Variants in TNPO2 observed in about 807,000 individuals in gnomAD.
The protein encoded by TNPO2 is transportin 2.
Under a neutral mutation model 111.1 loss-of-function variants are expected in TNPO2, and 16 were observed. That is an observed-to-expected ratio of 0.14 (90% CI 0.10 to 0.22). TNPO2 has a LOEUF of 0.22. Ranked by LOEUF, TNPO2 falls within the 10% of genes least tolerant of loss-of-function variation. The pLI is 1.00. For missense variants in TNPO2, 530 were observed against 1,173.7 expected, an observed-to-expected ratio of 0.45 and a Z score of 8.01; for synonymous variants, 481 against 475.8, an observed-to-expected ratio of 1.01 and a Z score of -0.14.
intron 9 of TNPO2, 27 bp from the exon 10 acceptor site, chr19:12,714,966 C>T (rs775132655): frequency 6.2e-7 from 1 of 1,601,222 alleles, no homozygotes; most frequent in South Asian, 1.1e-5. Flanking sequence ...AAGCTGAGGC[C>T]TGGCCTGGCT....
rs1373452345 is a variant in TNPO2, at chr19:12,721,589, T to A, written c.-13-599A>T. On this transcript the variant is annotated intron_variant, in intron 2 of 25. Coordinates refer to ENST00000425528, the MANE Select transcript of TNPO2 (RefSeq NM_001382241.1). This position sits in a 1 kb window ranked among gnomAD's most constrained non-coding sequence, Gnocchi z 4.9. ...TGTCCCCTGTTCCTGCCCTTCAAGC[T>A]CAGTGGATGCCAGATATCCCCCTCT... 3 of 265,876 alleles carry A rather than the reference T, an allele frequency of 1.1e-5. No homozygotes were observed. Among genetic ancestry groups the A allele is most frequent in the Non-Finnish European group, 2.2e-5 (3 of 134,106 alleles). The allele number at this position is 265,876 out of a possible 1,614,324, so 16.5% of individuals were successfully genotyped here. A position where few individuals can be genotyped will look rare whatever the true frequency, so the allele number is the denominator to read the frequency against.
chr19:12,714,898 G>T lies in TNPO2; in HGVS notation c.813C>A (p.Ala271=). 1.9e-6 allele frequency: 3 copies of T among 1,613,750 alleles called. No individual in the cohort carries two copies. Among genetic ancestry groups the T allele is most frequent in the Non-Finnish European group, 2.5e-6 (3 of 1,179,788 alleles). The change falls in exon 10 of 26, where the codon GCC becomes GCA. Residue 271 remains alanine, a synonymous_variant. Transcript: ENST00000425528. ...QRTQDHDENV[A]LEACEFWLTL... Reference sequence around the variant, plus strand: ...TCAGCCAGAACTCACAGGCCTCAAGGGCAACGTTCTCATCATGGTCCTGGG... The same window carrying T: ...TCAGCCAGAACTCACAGGCCTCAAGTGCAACGTTCTCATCATGGTCCTGGG...
chr19:12,708,215 C>T (rs1193355662), intron 13 of TNPO2, among the ~76,000 whole-genome samples: 1 of 152,148 alleles, frequency 6.6e-6, no homozygotes, highest in Non-Finnish European at 1.5e-5. Context: ...TCACTGCAAC[C>T]TCTGCCTCCC....
intron 13 of TNPO2, among the ~76,000 whole-genome samples, chr19:12,708,595 G>A (rs1289981508): frequency 6.6e-6 from 1 of 151,982 alleles, no homozygotes; most frequent in Admixed American, 6.6e-5. Context: ...GGCCGGGTGC[G>A]GTGGCTCACG....
chr19:12,701,872 G>A lies in TNPO2; in HGVS notation c.2412-21C>T. 1 of 1,596,596 alleles carries A rather than the reference G, an allele frequency of 6.3e-7. No individual in the cohort carries two copies. The highest frequency in any genetic ancestry group is 8.6e-7 in the Non-Finnish European group (1 of 1,166,208). On this transcript the variant is annotated intron_variant, in intron 22 of 25. Coordinates refer to ENST00000425528, the MANE Select transcript of TNPO2 (RefSeq NM_001382241.1). The surrounding 1 kb of genome is among the most constrained non-coding windows in gnomAD (Gnocchi z 5.0). ...TGCACCTGTGGGAAGGTGAGCAGCT[G>A]GAGGTCAGAGGGCAGGCTGGGCATG...
chr19:12,719,449 G>A lies in TNPO2; in HGVS notation c.100-113C>T, dbSNP rs1052843281. ...GGGACCAGGCTGCCAGCTCCTGGGGGATCCCGCTCCCTAATAAGCCCACAA... is the reference window on the plus strand; with the variant it reads ...GGGACCAGGCTGCCAGCTCCTGGGGAATCCCGCTCCCTAATAAGCCCACAA... On this transcript the variant is annotated intron_variant, in intron 3 of 25. Coordinates refer to ENST00000425528, the MANE Select transcript of TNPO2 (RefSeq NM_001382241.1). This position sits in a 1 kb window ranked among gnomAD's most constrained non-coding sequence, Gnocchi z 5.0. 8 of 853,662 alleles carry A rather than the reference G, an allele frequency of 9.4e-6. No homozygotes were observed. Among genetic ancestry groups the A allele is most frequent in the Admixed American group, 8.2e-5 (4 of 48,528 alleles). 52.9% of individuals were successfully genotyped at this position (853,662 alleles called of 1,614,324 possible).
At position 12,719,524 on chromosome 19, in the gene TNPO2, G is replaced by T. The variant is rs994760215; in HGVS notation, c.100-188C>A. Among the ~76,000 whole-genome samples, 1 of 152,166 alleles carries T rather than the reference G, an allele frequency of 6.6e-6. No homozygotes were observed. The highest frequency in any genetic ancestry group is 1.5e-5 in the Non-Finnish European group (1 of 68,036). ...CAAATTCATATAAGGGGCCGGGCGC[G>T]GTGGCTCACGCCTGTAATCCCAGCA... On this transcript the variant is annotated intron_variant, in intron 3 of 25. Coordinates refer to ENST00000425528, the MANE Select transcript of TNPO2 (RefSeq NM_001382241.1). The surrounding 1 kb of genome is among the most constrained non-coding windows in gnomAD (Gnocchi z 5.0).
chr19:12,703,986 G>A (rs1424419232), intron 18 of TNPO2, among the ~76,000 whole-genome samples, 185 bp from the exon 19 acceptor site: 2 of 152,186 alleles, frequency 1.3e-5, no homozygotes, highest in African/African-American at 4.8e-5. Flanking sequence ...TGCCCCAACG[G>A]TCATCCCTCA....
chr19:12,701,463 G>T lies in TNPO2; in HGVS notation c.2587-10C>A. ...TGAAGCCGTGGAGAATCTGTGGGGA[G>T]GGTGGTGGTGAGGGGTAGGCAGGGG... On this transcript the variant is annotated splice_polypyrimidine_tract_variant and intron_variant, in intron 24 of 25. Transcript: ENST00000425528. This position sits in a 1 kb window ranked among gnomAD's most constrained non-coding sequence, Gnocchi z 5.0. 1.9e-6 allele frequency: 3 copies of T among 1,612,686 alleles called. No homozygotes were observed. The highest frequency in any genetic ancestry group is 2.5e-6 in the Non-Finnish European group (3 of 1,178,746).
At position 12,706,840 on chromosome 19, in the gene TNPO2, G is replaced by T; in HGVS notation, c.1271-45C>A. ...AGAGGGGGCAGTTTGATTGGGCCCA[G>T]CCACACCCACCGTATGGAGAGAAGA... On this transcript the variant is annotated intron_variant, in intron 13 of 25. Transcript: ENST00000425528. The surrounding 1 kb of genome is among the most constrained non-coding windows in gnomAD (Gnocchi z 7.0). 1.3e-6 allele frequency: 2 copies of T among 1,491,462 alleles called. No homozygotes were observed. The highest frequency in any genetic ancestry group is 9.2e-7 in the Non-Finnish European group (1 of 1,090,658). The allele number at this position is 1,491,462 out of a possible 1,614,324, so 92.4% of individuals were successfully genotyped here. A position where few individuals can be genotyped will look rare whatever the true frequency, so the allele number is the denominator to read the frequency against.
intron 5 of TNPO2, 110 bp downstream of exon 5, chr19:12,718,919 T>C: frequency 7.3e-7 from 1 of 1,376,774 alleles, no homozygotes; most frequent in Non-Finnish European, 1.0e-6. Flanking sequence ...GCAATAGTAA[T>C]AGTACTACCA....
In TNPO2 at chr19:12,705,981, C is replaced by T. The variant is rs953207101; in HGVS notation, c.1669-213G>A. 1.5e-6 allele frequency: 1 copy of T among 657,972 alleles called. No homozygotes were observed. Among genetic ancestry groups the T allele is most frequent in the Non-Finnish European group, 2.6e-6 (1 of 391,872 alleles). 40.8% of individuals were successfully genotyped at this position (657,972 alleles called of 1,614,324 possible). A position where few individuals can be genotyped will look rare whatever the true frequency, so the allele number is the denominator to read the frequency against. On this transcript the variant is annotated intron_variant, in intron 15 of 25. Transcript: ENST00000425528. This position sits in a 1 kb window ranked among gnomAD's most constrained non-coding sequence, Gnocchi z 7.2. ...CACCCCCCGGGAGCCTGGGTTACCA[C>T]CTCCTGGTTCCCGAAGCACAGCACT...
rs1374567309 is a variant in TNPO2, at chr19:12,700,249, G to A, written c.*1015C>T. On this transcript the variant is annotated 3_prime_UTR_variant, in exon 26 of 26. Transcript: ENST00000425528. ...CATCAATTAAACGCCCCTGCCCCAG[G>A]CCTTGAGTTAAAACTGGGGCCTGAA... is the stretch of plus-strand genomic sequence containing the variant. The A allele has an allele frequency of 6.6e-6, 1 of 150,658 alleles. No homozygotes were observed. Among genetic ancestry groups the A allele is most frequent in the Non-Finnish European group, 1.5e-5 (1 of 67,780 alleles). 9.3% of individuals were successfully genotyped at this position (150,658 alleles called of 1,614,324 possible).
intron 3 of TNPO2, among the ~76,000 whole-genome samples, chr19:12,720,587 CT>C (rs2026625599): frequency 6.6e-6 from 1 of 152,220 alleles, no homozygotes; most frequent in African/African-American, 2.4e-5. Context: ...TACCAAAGTG[CT>C]CCGATTACAG....
rs1568331048 is a variant in TNPO2, at chr19:12,702,381, CTTT to C, written c.2306-207_2306-205del. 2.9e-6 allele frequency: 2 copies of C among 691,300 alleles called. No individual in the cohort carries two copies. Among genetic ancestry groups the C allele is most frequent in the African/African-American group, 3.5e-5 (2 of 56,716 alleles). The allele number at this position is 691,300 out of a possible 1,614,324, so 42.8% of individuals were successfully genotyped here. ...TCTTTCTTTCTTTCCTTTCCCTTTC[CTTT>C]TTGTTTTTTTTTGTTTTGTTTTGTT... is the stretch of plus-strand genomic sequence containing the variant. On this transcript the variant is annotated intron_variant, in intron 21 of 25. Transcript: ENST00000425528. The surrounding 1 kb of genome is among the most constrained non-coding windows in gnomAD (Gnocchi z 5.5).
In TNPO2 at chr19:12,700,931, T is replaced by G; in HGVS notation, c.*333A>C. 5.3e-6 allele frequency: 1 copy of G among 188,470 alleles called. No individual in the cohort carries two copies. Among genetic ancestry groups the G allele is most frequent in the Non-Finnish European group, 1.1e-5 (1 of 89,942 alleles). The allele number at this position is 188,470 out of a possible 1,614,324, so 11.7% of individuals were successfully genotyped here. A position where few individuals can be genotyped will look rare whatever the true frequency, so the allele number is the denominator to read the frequency against. On this transcript the variant is annotated 3_prime_UTR_variant, in exon 26 of 26. Coordinates refer to ENST00000425528, the MANE Select transcript of TNPO2 (RefSeq NM_001382241.1). ...CTCCCTCACCTCATCCGAAGCCGGATTCGGTCAGCTGTGTAATTCCTCCCT... is the reference window on the plus strand; with the variant it reads ...CTCCCTCACCTCATCCGAAGCCGGAGTCGGTCAGCTGTGTAATTCCTCCCT...
rs1226401670 is a variant in TNPO2 at position 12,701,679 on chromosome 19, C to T, written c.2512-7G>A. ...CGCAGAAGAAAATAAAGTCCTGAAACGTGACGGATCCCAGGTGAGGGGCCG... is the reference window on the plus strand; with the variant it reads ...CGCAGAAGAAAATAAAGTCCTGAAATGTGACGGATCCCAGGTGAGGGGCCG... On this transcript the variant is annotated splice_polypyrimidine_tract_variant and splice_region_variant and intron_variant, in intron 23 of 25. Coordinates refer to ENST00000425528, the MANE Select transcript of TNPO2 (RefSeq NM_001382241.1). This position sits in a 1 kb window ranked among gnomAD's most constrained non-coding sequence, Gnocchi z 5.0. 6.2e-6 allele frequency: 10 copies of T among 1,613,744 alleles called. No individual in the cohort carries two copies. The highest frequency in any genetic ancestry group is 8.5e-6 in the Non-Finnish European group (10 of 1,179,894).
chr19:12,715,885 T>A lies in TNPO2; in HGVS notation c.326-146A>T. On this transcript the variant is annotated intron_variant, in intron 5 of 25. Coordinates refer to ENST00000425528, the MANE Select transcript of TNPO2 (RefSeq NM_001382241.1). The surrounding 1 kb of genome is among the most constrained non-coding windows in gnomAD (Gnocchi z 7.1). ...TCCCCCCTCCTTTTTTTTTTCTTTG[T>A]AAGAGATAGAATTAGCTCTGTTGCC... is the stretch of plus-strand genomic sequence containing the variant. 1.5e-6 allele frequency: 1 copy of A among 651,980 alleles called. No homozygotes were observed. Among genetic ancestry groups the A allele is most frequent in the Non-Finnish European group, 2.6e-6 (1 of 382,162 alleles). 40.4% of individuals were successfully genotyped at this position (651,980 alleles called of 1,614,324 possible). A position where few individuals can be genotyped will look rare whatever the true frequency, so the allele number is the denominator to read the frequency against.
chr19:12,703,170 AG>A (rs1158475448), intron 20 of TNPO2: 25 of 586,114 alleles, frequency 4.3e-5, no homozygotes, highest in East Asian at 1.4e-4. Flanking sequence ...CCCAAGTCAA[AG>A]GAAAAAAAAA....
Sources: gnomAD v4.1 joint callset for allele counts (sites outside exome capture counted in the v4.1 genomes callset) on GRCh38, gnomAD v4.1.1 for gene constraint, Gnocchi (gnomAD v3.1) non-coding constraint, MANE v1.5 for transcripts, NCBI Gene and HGNC (gene_info 2026-07-23, HGNC 2026-07-21) for gene names.